Variants in RPS6KA2 observed in about 807,000 individuals in gnomAD.
RPS6KA2 encodes the protein ribosomal protein S6 kinase A2, also known as ribosomal protein S6 kinase alpha-2.
In RPS6KA2, 42 loss-of-function variants were observed where a neutral mutation model predicts 91.8. The ratio of observed to expected loss-of-function variants is 0.46; its 90% confidence interval spans 0.36 to 0.59. The LOEUF is 0.59. Among genes scored for constraint, RPS6KA2 ranks in the 20% least tolerant of loss-of-function variants. The pLI is 0.00. For synonymous variants in RPS6KA2, 414 were observed against 393.6 expected, an observed-to-expected ratio of 1.05 and a Z score of -0.61; for missense variants, 798 against 978.5, an observed-to-expected ratio of 0.82 and a Z score of 2.46.
chr6:166,614,001 G>A (rs897893622), intron 1 of RPS6KA2, among the ~76,000 whole-genome samples: 10 of 152,308 alleles, frequency 6.6e-5, no homozygotes, highest in Non-Finnish European at 1.0e-4. Context: ...CTTCTGGCAG[G>A]TGCCAGATGA....
Position 166,469,969 on chromosome 6 carries a change from A to G in RPS6KA2, c.908-64T>C, listed in dbSNP as rs73790227. 1.0e-3 allele frequency: 1,492 copies of G among 1,424,516 alleles called. 8 individuals are homozygous for G. In the African/African-American group the frequency reaches 0.017, roughly 16 times the overall value. The allele number at this position is 1,424,516 out of a possible 1,614,324, so 88.2% of individuals were successfully genotyped here. A position where few individuals can be genotyped will look rare whatever the true frequency, so the allele number is the denominator to read the frequency against. On this transcript the variant is annotated intron_variant, in intron 10 of 20. Transcript: ENST00000265678. ...AGATGGGGTTCTCTGACAGTTTCCA[A>G]TGCAGCAGTGTGGAGGGTGGGGATG...
intron 2 of RPS6KA2, among the ~76,000 whole-genome samples, chr6:166,829,621 A>T (rs948456444): frequency 5.4e-4 from 80 of 147,034 alleles, no homozygotes; most frequent in Admixed American, 1.2e-3. Flanking sequence ...AAAAAAAATT[A>T]TTATATGGTC....
chr6:166,414,893 C>A (rs1445946364), intron 19 of RPS6KA2, among the ~76,000 whole-genome samples: 1 of 152,086 alleles, frequency 6.6e-6, no homozygotes, highest in Non-Finnish European at 1.5e-5. Flanking sequence ...GGTGAAACCC[C>A]GTCTCTTCTA....
At chr6:166,761,090 G>A (rs987797914) in intron 2 of RPS6KA2, among the ~76,000 whole-genome samples, 1 of 152,218 alleles carries the variant, frequency 6.6e-6, no homozygotes, top group African/African-American at 2.4e-5. Flanking sequence ...CTGAGACCGA[G>A]TCTTGCTCTG....
At chr6:166,859,790 A>G (rs887356500) in intron 1 of RPS6KA2, among the ~76,000 whole-genome samples, 2 of 152,264 alleles carry the variant, frequency 1.3e-5, no homozygotes, top group African/African-American at 4.8e-5. Flanking sequence ...AGAGCAAAAC[A>G]TGAATCCAGG....
intron 2 of RPS6KA2, among the ~76,000 whole-genome samples, chr6:166,837,202 C>T (rs1049685671): frequency 2.5e-4 from 38 of 152,182 alleles, no homozygotes; most frequent in Admixed American, 1.7e-3. Context: ...GGACCCAGGC[C>T]TCAAGGGTCT....
chr6:166,751,751 G>A (rs542757883), intron 2 of RPS6KA2, among the ~76,000 whole-genome samples: 1 of 152,370 alleles, frequency 6.6e-6, no homozygotes, highest in African/African-American at 2.4e-5. Flanking sequence ...ATAGTCAGCC[G>A]ATTTGGGGAT....
At chr6:166,474,367 A>G (rs1348969066) in intron 10 of RPS6KA2, among the ~76,000 whole-genome samples, 4 of 152,228 alleles carry the variant, frequency 2.6e-5, no homozygotes, top group Non-Finnish European at 5.9e-5. Context: ...CTGTGAAGAC[A>G]GCACGCCTGG....
chr6:166,861,355 AT>A (rs1016125109), intron 1 of RPS6KA2, among the ~76,000 whole-genome samples: 67 of 89,594 alleles, frequency 7.5e-4, no homozygotes, highest in African/African-American at 1.6e-3. Flanking sequence ...CAGAACAGGT[AT>A]ATCTAATAAT....
chr6:166,637,880 A>G (rs12174679), intron 2 of RPS6KA2, among the ~76,000 whole-genome samples: 49,911 of 152,204 alleles, frequency 0.33, 8,735 homozygotes, highest in African/African-American at 0.45. Context: ...CAAAGTGGGG[A>G]TCCAGCAGGG....
intron 1 of RPS6KA2, among the ~76,000 whole-genome samples, chr6:166,622,791 T>C (rs568399704): frequency 8.5e-5 from 13 of 152,348 alleles, no homozygotes; most frequent in African/African-American, 3.1e-4. Context: ...AAATTGACAA[T>C]TGATCTAATC....
At chr6:166,831,339 C>G (rs1170417224) in intron 2 of RPS6KA2, among the ~76,000 whole-genome samples, 1 of 152,196 alleles carries the variant, frequency 6.6e-6, no homozygotes, top group East Asian at 1.9e-4. Flanking sequence ...CTCTTCTGCT[C>G]AGGTCCACAG....
chr6:166,775,985 G>A (rs1478972459), intron 2 of RPS6KA2, among the ~76,000 whole-genome samples: 1 of 152,212 alleles, frequency 6.6e-6, no homozygotes, highest in East Asian at 1.9e-4. Context: ...GGGCATTGCT[G>A]GCTTTATCTG....
chr6:166,623,596 C>T (rs919876051), intron 1 of RPS6KA2, among the ~76,000 whole-genome samples: 2 of 152,214 alleles, frequency 1.3e-5, no homozygotes, highest in Non-Finnish European at 1.5e-5. Flanking sequence ...GGCCAGTGTC[C>T]CCTTTCCTCA....
chr6:166,636,090 A>C (rs1787233088), intron 2 of RPS6KA2, among the ~76,000 whole-genome samples: 1 of 152,014 alleles, frequency 6.6e-6, no homozygotes, highest in Admixed American at 6.5e-5. Flanking sequence ...TGCTACAAAG[A>C]CCCTGGGTCT....
intron 2 of RPS6KA2, among the ~76,000 whole-genome samples, chr6:166,856,870 T>C (rs1780915349): frequency 6.6e-6 from 1 of 152,214 alleles, no homozygotes; most frequent in Non-Finnish European, 1.5e-5. Flanking sequence ...ATCATGGAAC[T>C]GGCAAAAGCA....
chr6:166,771,601 C>G (rs981260215), intron 2 of RPS6KA2, among the ~76,000 whole-genome samples: 1 of 152,228 alleles, frequency 6.6e-6, no homozygotes, highest in Non-Finnish European at 1.5e-5. Context: ...CCTACTTTCT[C>G]CTTTAGCCTT....
At chr6:166,609,647 A>C (rs1367550508) in intron 1 of RPS6KA2, among the ~76,000 whole-genome samples, 1 of 151,620 alleles carries the variant, frequency 6.6e-6, no homozygotes, top group Non-Finnish European at 1.5e-5. Flanking sequence ...TTACAGGCGC[A>C]TGCCACCACT....
intron 2 of RPS6KA2, among the ~76,000 whole-genome samples, chr6:166,822,618 C>A (rs1261198749): frequency 6.6e-6 from 1 of 152,200 alleles, no homozygotes; most frequent in African/African-American, 2.4e-5. Context: ...CCATCCCATT[C>A]CCTGCCTGCC....
Sources: allele counts gnomAD v4.1 joint callset (sites outside exome capture counted in the v4.1 genomes callset), GRCh38; gene constraint gnomAD v4.1.1; transcripts MANE v1.5; gene names NCBI Gene and HGNC (gene_info 2026-07-23, HGNC 2026-07-21).